The following CPLANE1 variants were observed in gnomAD, a reference collection of about 807,000 sequenced individuals.
CPLANE1 encodes the protein ciliogenesis and planar polarity effector complex subunit 1, also known as ciliogenesis and planar polarity effector 1.
Under a neutral mutation model 362.5 loss-of-function variants are expected in CPLANE1, and 263 were observed. That is an observed-to-expected ratio of 0.73 (90% CI 0.66 to 0.80). The LOEUF (loss-of-function observed/expected upper bound fraction) is 0.80. Among genes scored for constraint, CPLANE1 ranks in the 30% least tolerant of loss-of-function variants. The pLI is 0.00. For synonymous variants in CPLANE1, 1,212 were observed against 1,302.6 expected (o/e 0.93, Z 1.50); for missense variants, 3,461 against 3,793.4 (o/e 0.91, Z 2.30).
intron 12 of CPLANE1, among the ~76,000 whole-genome samples, chr5:37,225,623 G>C (rs181838456): frequency 6.6e-6 from 1 of 151,962 alleles, no homozygotes; most frequent in African/African-American, 2.4e-5. Context: ...AGGCTGAAGC[G>C]GGCGGATCAC....
intron 29 of CPLANE1, among the ~76,000 whole-genome samples, chr5:37,179,148 T>C (rs1037034383): frequency 6.6e-6 from 1 of 152,226 alleles, no homozygotes; most frequent in Non-Finnish European, 1.5e-5. Context: ...GAAAACTTCA[T>C]TGCCTGAAAT....
chr5:37,230,924 C>T lies in CPLANE1; in HGVS notation c.1064G>A (p.Cys355Tyr), dbSNP rs1210054410. Residue 355 changes from cysteine (C) to tyrosine (Y), a missense_variant, in exon 9 of 53, where the codon TGC becomes TAC. Cys to Tyr is a radical substitution (Grantham distance 194). Transcript: ENST00000651892. ...GELLTLITFG[C>Y]SIEFGPAEFI... ...TTCTGCTGGGCCAAATTCTATAGAG[C>T]AACCAAATGTAATTAATGTTAGCAA... 4.5e-6 allele frequency: 7 copies of T among 1,549,222 alleles called. No individual in the cohort carries two copies. Among genetic ancestry groups the T allele is most frequent in the South Asian group, 1.2e-5 (1 of 83,596 alleles).
At chr5:37,208,872 C>T (rs1359903342) in intron 16 of CPLANE1, among the ~76,000 whole-genome samples, 1 of 151,636 alleles carries the variant, frequency 6.6e-6, no homozygotes, top group African/African-American at 2.4e-5. Flanking sequence ...AGACGTAAAC[C>T]CCGTAAAAGA....
At chr5:37,214,928 T>C (rs1793617487) in intron 15 of CPLANE1, among the ~76,000 whole-genome samples, 1 of 152,246 alleles carries the variant, frequency 6.6e-6, no homozygotes, top group Non-Finnish European at 1.5e-5. Context: ...AGACATACCA[T>C]GGATTGAGGT....
chr5:37,243,388 T>C (rs934173483), intron 5 of CPLANE1, among the ~76,000 whole-genome samples: 6 of 151,982 alleles, frequency 3.9e-5, no homozygotes, highest in Admixed American at 2.0e-4. Flanking sequence ...TACATATTTA[T>C]TTTTCTCTTT....
intron 48 of CPLANE1, among the ~76,000 whole-genome samples, chr5:37,122,062 TTC>T (rs1441936202): frequency 6.6e-6 from 1 of 152,122 alleles, no homozygotes; most frequent in Non-Finnish European, 1.5e-5. Flanking sequence ...ACTTAGCATT[TTC>T]TTTCTTCAGC....
intron 15 of CPLANE1, among the ~76,000 whole-genome samples, chr5:37,220,405 T>C (rs1474209446): frequency 1.3e-5 from 2 of 152,234 alleles, no homozygotes; most frequent in Non-Finnish European, 2.9e-5. Flanking sequence ...TCTACCACCC[T>C]ATAAGCATTA....
chr5:37,098,581 GAAT>G, the CPLANE1 span, among the ~76,000 whole-genome samples: 1 of 151,832 alleles, frequency 6.6e-6, no homozygotes, highest in Non-Finnish European at 1.5e-5. Context: ...TCAGCACACA[GAAT>G]ATTATCATTA....
chr5:37,133,516 G>GTA (rs1035793837), intron 46 of CPLANE1, among the ~76,000 whole-genome samples: 1 of 151,882 alleles, frequency 6.6e-6, no homozygotes, highest in African/African-American at 2.4e-5. Flanking sequence ...GTGTGTGTGT[G>GTA]TGTGTATGTG....
chr5:37,162,666 G>T (rs1017546453), intron 37 of CPLANE1, 100 bp from the exon 38 acceptor site: 3 of 746,552 alleles, frequency 4.0e-6, no homozygotes, highest in Non-Finnish European at 6.5e-6. Context: ...AAAATATGGG[G>T]TGTCAGGATG....
At chr5:37,212,377 G>T (rs1185381368) in intron 16 of CPLANE1, 4 of 817,076 alleles carry the variant, frequency 4.9e-6, no homozygotes, top group Non-Finnish European at 6.6e-6. Flanking sequence ...GATGACTCTT[G>T]GTAACCATGT....
intron 47 of CPLANE1, among the ~76,000 whole-genome samples, chr5:37,124,585 C>T (rs1195353095): frequency 1.3e-5 from 2 of 152,080 alleles, no homozygotes; most frequent in East Asian, 1.9e-4. Flanking sequence ...CAGGGTCGCC[C>T]TTTGTCTCCC....
chr5:37,160,172 C>T (rs1337974954), intron 38 of CPLANE1, among the ~76,000 whole-genome samples: 1 of 152,178 alleles, frequency 6.6e-6, no homozygotes, highest in East Asian at 1.9e-4. Context: ...ACTCAGGAAA[C>T]AGCTGCCAAC....
the CPLANE1 span, among the ~76,000 whole-genome samples, chr5:37,075,803 G>GTAT: frequency 3.9e-5 from 6 of 152,176 alleles, no homozygotes; most frequent in African/African-American, 1.2e-4. Flanking sequence ...GCTGGGTCGA[G>GTAT]TATTTGGCAA....
At chr5:37,165,723 C>T in intron 35 of CPLANE1, 52 bp from the exon 36 acceptor site, 1 of 1,517,712 alleles carries the variant, frequency 6.6e-7, no homozygotes, top group Non-Finnish European at 8.8e-7. Flanking sequence ...GCAACATTTG[C>T]TTTTCATTTA....
chr5:37,212,709 C>G (rs925026903), intron 16 of CPLANE1, among the ~76,000 whole-genome samples: 5 of 152,018 alleles, frequency 3.3e-5, no homozygotes, highest in African/African-American at 1.2e-4. Flanking sequence ...TTTGACCATA[C>G]TAATGAAAGT....
In CPLANE1 at chr5:37,201,581, A is replaced by G; in HGVS notation, c.3507+10T>C. On this transcript the variant is annotated intron_variant, in intron 19 of 52. Transcript: ENST00000651892. Reference sequence around the variant, plus strand: ...TTAAATTAATTTAAAAGTTAATGCTATAAGCTTACTTCACTAAGAATAGCT... The same window carrying G: ...TTAAATTAATTTAAAAGTTAATGCTGTAAGCTTACTTCACTAAGAATAGCT... 6.3e-7 allele frequency: 1 copy of G among 1,599,850 alleles called. No homozygotes were observed. The highest frequency in any genetic ancestry group is 1.7e-4 in the Middle Eastern group (1 of 6,018).
intron 31 of CPLANE1, among the ~76,000 whole-genome samples, chr5:37,174,333 A>G (rs893877112): frequency 6.6e-6 from 1 of 152,198 alleles, no homozygotes; most frequent in Non-Finnish European, 1.5e-5. Flanking sequence ...TATGTTTTTG[A>G]CTAAAATTAA....
chr5:37,216,806 C>G (rs1432956982), intron 15 of CPLANE1, among the ~76,000 whole-genome samples: 1 of 152,144 alleles, frequency 6.6e-6, no homozygotes, highest in Non-Finnish European at 1.5e-5. Context: ...ATGGCTCCAA[C>G]AATAGAAAGG....
Sources: allele counts gnomAD v4.1 joint callset (sites outside exome capture counted in the v4.1 genomes callset), GRCh38; gene constraint gnomAD v4.1.1; transcripts MANE v1.5; gene names NCBI Gene and HGNC (gene_info 2026-07-23, HGNC 2026-07-21).